Variants in UTS2 observed in about 807,000 individuals in gnomAD.
UTS2 encodes urotensin 2, also known as urotensin-2.
In UTS2, 10 loss-of-function variants were observed where a neutral mutation model predicts 12.6. The observed-to-expected ratio is 0.80, with a 90% CI of 0.49 to 1.35. The LOEUF is 1.35. Ranked by LOEUF, UTS2 falls within the 40% of genes most tolerant of loss-of-function variation. UTS2 has a pLI of 0.00. For missense variants in UTS2, 142 were observed against 143.2 expected (o/e 0.99, Z 0.04); for synonymous variants, 52 against 50.0 (o/e 1.04, Z -0.17).
chr1:7,855,662 T>A (rs570131781), upstream of UTS2, among the ~76,000 whole-genome samples: 75 of 149,970 alleles, frequency 5.0e-4, no homozygotes, highest in Middle Eastern at 3.5e-3. Context: ...GGATTACAGG[T>A]GTGAGCCACC....
At chr1:7,906,449 G>GAGAGAGAAAGAA in the UTS2 span, among the ~76,000 whole-genome samples, 53 of 73,274 alleles carry the variant, frequency 7.2e-4, no homozygotes, top group Admixed American at 1.4e-3. Context: ...GAAAGAAAAA[G>GAGAGAGAAAGAA]AGAAAGAAAG....
the UTS2 span, among the ~76,000 whole-genome samples, chr1:7,908,495 T>C: frequency 6.9e-6 from 1 of 145,024 alleles, no homozygotes; most frequent in Non-Finnish European, 1.5e-5. Flanking sequence ...TCATGACTAG[T>C]AAACTAAGAC....
At chr1:7,858,517 A>G in the UTS2 span, among the ~76,000 whole-genome samples, 1 of 152,224 alleles carries the variant, frequency 6.6e-6, no homozygotes, top group African/African-American at 2.4e-5. Flanking sequence ...TTTTGAAATT[A>G]ATCTAAACTC....
intron 1 of UTS2, 81 bp downstream of exon 1, chr1:7,852,819 TC>T: frequency 6.8e-7 from 1 of 1,464,032 alleles, no homozygotes; most frequent in Non-Finnish European, 9.2e-7. Context: ...CGAGCAGGAA[TC>T]CCATTCTTAT....
chr1:7,851,657 C>T (rs560221206), intron 1 of UTS2, among the ~76,000 whole-genome samples: 2 of 152,212 alleles, frequency 1.3e-5, no homozygotes, highest in East Asian at 3.9e-4. Context: ...ATAGCTGCAA[C>T]CTTGATTGGA....
the UTS2 span, among the ~76,000 whole-genome samples, chr1:7,895,703 T>C: frequency 1.3e-5 from 2 of 152,228 alleles, no homozygotes; most frequent in African/African-American, 4.8e-5. Flanking sequence ...ATCGCTAAAG[T>C]TCATTCAGGA....
chr1:7,905,302 C>T, the UTS2 span, among the ~76,000 whole-genome samples: 49 of 151,898 alleles, frequency 3.2e-4, no homozygotes, highest in African/African-American at 1.1e-3. Flanking sequence ...TATGTCACCA[C>T]GCCCGTCTAA....
the UTS2 span, among the ~76,000 whole-genome samples, chr1:7,904,325 T>A: frequency 0.55 from 77,517 of 140,730 alleles, 21,228 homozygotes; most frequent in East Asian, 0.7. Context: ...AAAAAAAAAA[T>A]AATAAGCTGG....
In UTS2 at chr1:7,850,811, C is replaced by T; in HGVS notation, c.214+1G>A. On this transcript the variant is annotated splice_donor_variant, in intron 2 of 3. Coordinates refer to ENST00000361696, the MANE Select transcript of UTS2 (RefSeq NM_006786.4). LOFTEE classifies it high-confidence loss of function. ...CGCTATAAACATGAGAAGCATTTTA[C>T]CTGCTTTCCTGAGAATATCCCCTCT... is the stretch of plus-strand genomic sequence containing the variant. 1 of 1,613,984 alleles carries T rather than the reference C, an allele frequency of 6.2e-7. No individual in the cohort carries two copies.
At chr1:7,899,763 G>T in the UTS2 span, among the ~76,000 whole-genome samples, 1 of 152,206 alleles carries the variant, frequency 6.6e-6, no homozygotes, top group Non-Finnish European at 1.5e-5. Context: ...GAAACAGCAA[G>T]CATTTGTTAT....
chr1:7,854,343 A>T (rs1261814384), upstream of UTS2, among the ~76,000 whole-genome samples: 1 of 59,882 alleles, frequency 1.7e-5, no homozygotes, highest in Admixed American at 1.5e-4. Context: ...GACTCTGTCT[A>T]AAAAAAAAAA....
intron 1 of UTS2, among the ~76,000 whole-genome samples, chr1:7,851,133 G>A (rs891801480): frequency 2.6e-5 from 4 of 152,200 alleles, no homozygotes; most frequent in African/African-American, 9.7e-5. Context: ...GCCGGGAGAC[G>A]TGGATCTGAC....
the UTS2 span, among the ~76,000 whole-genome samples, chr1:7,881,257 C>G: frequency 6.6e-6 from 1 of 152,192 alleles, no homozygotes; most frequent in African/African-American, 2.4e-5. Context: ...TTTTACCACT[C>G]TGATTCAACA....
At chr1:7,849,970 ATTT>A in intron 2 of UTS2, among the ~76,000 whole-genome samples, 1 of 140,600 alleles carries the variant, frequency 7.1e-6, no homozygotes, top group East Asian at 2.1e-4. Context: ...AAAGGCTCAA[ATTT>A]TTTTTTTTTT....
At chr1:7,888,415 C>A in the UTS2 span, among the ~76,000 whole-genome samples, 1 of 151,840 alleles carries the variant, frequency 6.6e-6, no homozygotes, top group Non-Finnish European at 1.5e-5. Context: ...AGTCCAGGTT[C>A]AACCTCTGAT....
chr1:7,870,532 A>T, the UTS2 span, among the ~76,000 whole-genome samples: 1 of 152,234 alleles, frequency 6.6e-6, no homozygotes, highest in Non-Finnish European at 1.5e-5. Context: ...CACCAAACTA[A>T]GTAAATTCTG....
At chr1:7,859,677 T>C in the UTS2 span, among the ~76,000 whole-genome samples, 1 of 152,174 alleles carries the variant, frequency 6.6e-6, no homozygotes, top group Non-Finnish European at 1.5e-5. Context: ...CACGTGACCA[T>C]ATCGAGGAAT....
upstream of UTS2, among the ~76,000 whole-genome samples, chr1:7,854,118 G>A (rs1287058862): frequency 1.3e-5 from 2 of 152,066 alleles, no homozygotes; most frequent in Non-Finnish European, 2.9e-5. Flanking sequence ...GGCTGAGGCG[G>A]ATGGATCACG....
At chr1:7,869,869 C>G in the UTS2 span, among the ~76,000 whole-genome samples, 1 of 152,208 alleles carries the variant, frequency 6.6e-6, no homozygotes, top group Non-Finnish European at 1.5e-5. Context: ...CTTCAGCCAG[C>G]ATTTTTCTCA....
Sources: allele counts gnomAD v4.1 joint callset (sites outside exome capture counted in the v4.1 genomes callset), GRCh38; gene constraint gnomAD v4.1.1; transcripts MANE v1.5; gene names NCBI Gene and HGNC (gene_info 2026-07-23, HGNC 2026-07-21).